Variants in KIAA1328 observed in about 807,000 individuals in gnomAD.
KIAA1328 encodes protein hinderin.
A neutral mutation model predicts 68.1 loss-of-function variants in KIAA1328; 52 were observed. That is an observed-to-expected ratio of 0.76 (90% CI 0.61 to 0.96). KIAA1328 has a LOEUF of 0.96. KIAA1328 is among the 40% of genes least tolerant of loss of function. The pLI, the probability that KIAA1328 is intolerant of heterozygous loss-of-function variation, is 0.00. For synonymous variants in KIAA1328, 232 were observed against 239.4 expected (o/e 0.97, Z 0.28); for missense variants, 641 against 677.6 (o/e 0.95, Z 0.60).
intron 6 of KIAA1328, among the ~76,000 whole-genome samples, chr18:37,001,840 A>G (rs1439489167): frequency 1.3e-5 from 2 of 152,198 alleles, no homozygotes; most frequent in East Asian, 3.8e-4. Flanking sequence ...GAACCAGGTT[A>G]GAAGTAAAAT....
chr18:37,207,000 A>G (rs369148220), intron 9 of KIAA1328, among the ~76,000 whole-genome samples: 8 of 152,190 alleles, frequency 5.3e-5, no homozygotes, highest in African/African-American at 1.9e-4. Flanking sequence ...GGCAGTGGTG[A>G]TAAGTGGAAA....
intron 6 of KIAA1328, among the ~76,000 whole-genome samples, chr18:36,961,834 AC>A (rs1331134685): frequency 6.6e-6 from 1 of 152,232 alleles, no homozygotes; most frequent in Admixed American, 6.5e-5. Context: ...ATGGAAGGGA[AC>A]AACTGGTACC....
chr18:37,230,317 A>G (rs1438144676), downstream of KIAA1328: 2 of 152,222 alleles, frequency 1.3e-5, no homozygotes, highest in African/African-American at 4.8e-5. Context: ...TTAGACCTCC[A>G]GCCCCTTCTT....
At chr18:36,903,980 C>T (rs1171155938) in intron 5 of KIAA1328, among the ~76,000 whole-genome samples, 1 of 151,952 alleles carries the variant, frequency 6.6e-6, no homozygotes, top group African/African-American at 2.4e-5. Flanking sequence ...TAATAAGATC[C>T]CCAGGTGATC....
chr18:36,951,645 C>T (rs1000755199), intron 5 of KIAA1328, among the ~76,000 whole-genome samples: 1 of 152,162 alleles, frequency 6.6e-6, no homozygotes, highest in Non-Finnish European at 1.5e-5. Context: ...CCACTAAACT[C>T]TCCCAAGCAT....
intron 5 of KIAA1328, among the ~76,000 whole-genome samples, chr18:36,917,093 T>C (rs1286124496): frequency 6.6e-6 from 1 of 152,210 alleles, no homozygotes; most frequent in East Asian, 1.9e-4. Flanking sequence ...ATCCTCCTTC[T>C]AGAATGGTTG....
At chr18:36,973,777 G>C (rs1318357991) in intron 6 of KIAA1328, among the ~76,000 whole-genome samples, 1 of 142,590 alleles carries the variant, frequency 7.0e-6, no homozygotes, top group Non-Finnish European at 1.5e-5. Flanking sequence ...TTGCTACCAG[G>C]GACACAGTTT....
At chr18:37,014,114 TTA>T (rs1444941044) in intron 6 of KIAA1328, among the ~76,000 whole-genome samples, 1 of 152,266 alleles carries the variant, frequency 6.6e-6, no homozygotes, top group Non-Finnish European at 1.5e-5. Flanking sequence ...TGTGAATTTT[TTA>T]TGTTTGTTGG....
rs1568552876 is a variant in KIAA1328, at chr18:37,222,459, T to G, written c.*232T>G. 1 of 1,359,158 alleles carries G rather than the reference T, an allele frequency of 7.4e-7. No homozygotes were observed. The highest frequency in any genetic ancestry group is 1.6e-5 in the South Asian group (1 of 61,470). 84.2% of individuals were successfully genotyped at this position (1,359,158 alleles called of 1,614,324 possible). ...TAGGAATGGAAGATGGTATCTTTTA[T>G]ATGCTAAACAGATTAGAAAATTAAC... is the stretch of plus-strand genomic sequence containing the variant. On this transcript the variant is annotated 3_prime_UTR_variant, in exon 10 of 10. Transcript: ENST00000280020.
At chr18:37,052,296 T>C (rs183169656) in intron 6 of KIAA1328, among the ~76,000 whole-genome samples, 4 of 152,278 alleles carry the variant, frequency 2.6e-5, no homozygotes, top group Admixed American at 2.6e-4. Context: ...CCAACATCTC[T>C]TCATGATAAA....
chr18:36,855,002 T>C (rs896227755), intron 4 of KIAA1328, among the ~76,000 whole-genome samples: 1 of 152,240 alleles, frequency 6.6e-6, no homozygotes, highest in African/African-American at 2.4e-5. Flanking sequence ...CTTTTTATGC[T>C]AAATCAGATT....
At chr18:36,890,012 A>G (rs2048628718) in intron 5 of KIAA1328, among the ~76,000 whole-genome samples, 1 of 152,128 alleles carries the variant, frequency 6.6e-6, no homozygotes, top group African/African-American at 2.4e-5. Context: ...CCAGAAATCA[A>G]ACTGACAGAG....
intron 7 of KIAA1328, among the ~76,000 whole-genome samples, chr18:37,159,398 C>G (rs1599463607): frequency 6.6e-6 from 1 of 152,116 alleles, no homozygotes; most frequent in African/African-American, 2.4e-5. Context: ...GTAGCTGCCT[C>G]TATGCATTTC....
chr18:37,154,627 T>G (rs2154210508), intron 7 of KIAA1328, among the ~76,000 whole-genome samples: 1 of 152,270 alleles, frequency 6.6e-6, no homozygotes. Context: ...AAAGAATTTC[T>G]GCGTTCCTCA....
At chr18:37,193,409 C>A (rs2059944550) in intron 9 of KIAA1328, among the ~76,000 whole-genome samples, 1 of 152,128 alleles carries the variant, frequency 6.6e-6, no homozygotes, top group Non-Finnish European at 1.5e-5. Context: ...ATAGTCTCAT[C>A]AGTTTGGGTC....
At chr18:37,174,715 T>A (rs1329307767) in intron 9 of KIAA1328, among the ~76,000 whole-genome samples, 1 of 152,044 alleles carries the variant, frequency 6.6e-6, no homozygotes, top group African/African-American at 2.4e-5. Flanking sequence ...TGCCTCAGCC[T>A]CCTGAGTAGC....
intron 7 of KIAA1328, among the ~76,000 whole-genome samples, chr18:37,082,611 T>C (rs2056986174): frequency 6.6e-6 from 1 of 152,234 alleles, no homozygotes; most frequent in Admixed American, 6.5e-5. Flanking sequence ...AGAATTGTTA[T>C]AGTAGTTCAG....
At chr18:37,058,592 G>A (rs2056017950) in intron 6 of KIAA1328, among the ~76,000 whole-genome samples, 1 of 151,938 alleles carries the variant, frequency 6.6e-6, no homozygotes, top group Non-Finnish European at 1.5e-5. Context: ...TGCCCCTGTA[G>A]TCCCAACTAC....
chr18:37,225,217 C>T lies in KIAA1328; in HGVS notation c.*2990C>T, dbSNP rs1474467881. 1.2e-5 allele frequency: 12 copies of T among 985,300 alleles called. No individual in the cohort carries two copies. The highest frequency in any genetic ancestry group is 1.7e-5 in the African/African-American group (1 of 57,228). 61.0% of individuals were successfully genotyped at this position (985,300 alleles called of 1,614,324 possible). On this transcript the variant is annotated 3_prime_UTR_variant, in exon 10 of 10. Coordinates refer to ENST00000280020, the MANE Select transcript of KIAA1328 (RefSeq NM_020776.3). Reference sequence around the variant, plus strand: ...CTGCTAAGAGAGATGGAGGCTGTGGCGGACTCCTTCCAACTCACGATTTAT... The same window carrying T: ...CTGCTAAGAGAGATGGAGGCTGTGGTGGACTCCTTCCAACTCACGATTTAT...
Sources: gnomAD v4.1 joint callset for allele counts (sites outside exome capture counted in the v4.1 genomes callset) on GRCh38, gnomAD v4.1.1 for gene constraint, MANE v1.5 for transcripts, NCBI Gene and HGNC (gene_info 2026-07-23, HGNC 2026-07-21) for gene names.